EXOC4: variants seen among roughly 807,000 people sequenced by gnomAD.
EXOC4 encodes the protein exocyst complex component 4, also known as SEC8-like 1.
EXOC4 carries 71 observed loss-of-function variants against 107.2 expected under a neutral mutation model. The observed-to-expected ratio is 0.66, with a 90% confidence interval of 0.55 to 0.81. The LOEUF (loss-of-function observed/expected upper bound fraction) is 0.81. Among genes scored for constraint, EXOC4 ranks in the 30% least tolerant of loss-of-function variants. The pLI is 0.00. For missense variants in EXOC4, 1,108 were observed against 1,189.6 expected, an observed-to-expected ratio of 0.93 and a Z score of 1.01; for synonymous variants, 456 against 441.2, an observed-to-expected ratio of 1.03 and a Z score of -0.42.
intron 12 of EXOC4, among the ~76,000 whole-genome samples, chr7:133,904,725 C>T (rs557752869): frequency 1.4e-4 from 21 of 152,336 alleles, no homozygotes; most frequent in Admixed American, 1.4e-3. Context: ...AGAAAATCAT[C>T]TTTCTGGTTG....
At chr7:133,718,970 G>A (rs1020654940) in intron 10 of EXOC4, among the ~76,000 whole-genome samples, 5 of 152,112 alleles carry the variant, frequency 3.3e-5, no homozygotes, top group African/African-American at 1.2e-4. Flanking sequence ...GGAGCCATTC[G>A]TGATTTTCAC....
intron 9 of EXOC4, among the ~76,000 whole-genome samples, chr7:133,546,177 T>C (rs191562748): frequency 7.9e-5 from 12 of 152,330 alleles, no homozygotes; most frequent in Middle Eastern, 3.4e-3. Context: ...ATATCTATTT[T>C]ATTTTTTAAG....
the EXOC4 span, among the ~76,000 whole-genome samples, chr7:134,077,801 G>T: frequency 6.6e-6 from 1 of 152,236 alleles, no homozygotes; most frequent in African/African-American, 2.4e-5. Flanking sequence ...TCACTATGGT[G>T]CCCAGGCAGC....
At chr7:133,631,830 A>C (rs1802598552) in intron 10 of EXOC4, among the ~76,000 whole-genome samples, 1 of 152,116 alleles carries the variant, frequency 6.6e-6, no homozygotes. Context: ...ATTTCTACTT[A>C]GGTAATGTTG....
At chr7:133,329,466 G>T (rs919627744) in intron 5 of EXOC4, among the ~76,000 whole-genome samples, 1 of 152,078 alleles carries the variant, frequency 6.6e-6, no homozygotes, top group Non-Finnish European at 1.5e-5. Context: ...TTGTTCCCTT[G>T]CTGCTGAGGA....
intron 4 of EXOC4, among the ~76,000 whole-genome samples, chr7:133,306,942 A>G (rs918603778): frequency 6.6e-6 from 1 of 152,142 alleles, no homozygotes; most frequent in African/African-American, 2.4e-5. Flanking sequence ...AGATCTTAAG[A>G]TGGTAGAATA....
intron 6 of EXOC4, among the ~76,000 whole-genome samples, chr7:133,372,327 C>G (rs1379360391): frequency 6.6e-6 from 1 of 152,190 alleles, no homozygotes; most frequent in African/African-American, 2.4e-5. Context: ...AAAGGTAGAG[C>G]TGCAAGTTCC....
At chr7:134,004,773 C>A in intron 15 of EXOC4, 139 bp from the exon 16 acceptor site, 1 of 668,560 alleles carries the variant, frequency 1.5e-6, no homozygotes. Context: ...ATAGGGTACA[C>A]AGTAAGTGTT....
chr7:133,611,747 G>C (rs1802080501), intron 9 of EXOC4, among the ~76,000 whole-genome samples: 1 of 152,118 alleles, frequency 6.6e-6, no homozygotes, highest in Non-Finnish European at 1.5e-5. Flanking sequence ...AATGAAGCCT[G>C]AAAGGGGTTT....
At chr7:134,080,705 G>A in the EXOC4 span, among the ~76,000 whole-genome samples, 3 of 152,000 alleles carry the variant, frequency 2.0e-5, no homozygotes, top group Non-Finnish European at 4.4e-5. Context: ...TCTTTTGGGA[G>A]GCCGAGACAG....
chr7:133,324,794 A>G (rs189505637), intron 5 of EXOC4, among the ~76,000 whole-genome samples: 5 of 152,228 alleles, frequency 3.3e-5, no homozygotes, highest in East Asian at 3.9e-4. Flanking sequence ...TGATCTGTCT[A>G]ATGTTGACAG....
chr7:133,742,948 C>T lies in EXOC4; in HGVS notation c.1515-74377C>T, dbSNP rs545974674. Among the ~76,000 whole-genome samples the T allele has an allele frequency of 9.2e-5, 14 of 152,290 alleles. 1 individual carries two copies. The South Asian group carries it at 2.1e-3, about 23-fold the overall frequency. ...CTGCCCTCTGGTGGCAAAGGCACAA[C>T]AGACAGCAAAGACGTTTAACAAAGA... On this transcript the variant is annotated intron_variant, in intron 10 of 17. Transcript: ENST00000253861.
At chr7:133,792,599 C>T (rs888451922) in intron 10 of EXOC4, among the ~76,000 whole-genome samples, 4 of 147,348 alleles carry the variant, frequency 2.7e-5, no homozygotes, top group East Asian at 2.0e-4. Context: ...TTACATTGTC[C>T]GTAGAAGGTG....
intron 9 of EXOC4, among the ~76,000 whole-genome samples, chr7:133,584,574 G>GTTTTTTTTTTTTTTTTTT (rs67568218): frequency 1.2e-5 from 1 of 84,814 alleles, no homozygotes; most frequent in Non-Finnish European, 2.1e-5. Flanking sequence ...ACGTATTTCA[G>GTTTTTTTTTTTTTTTTTT]TTTTTTTTTT....
intron 10 of EXOC4, among the ~76,000 whole-genome samples, chr7:133,759,983 C>T (rs1372046964): frequency 6.6e-6 from 1 of 152,160 alleles, no homozygotes; most frequent in Non-Finnish European, 1.5e-5. Context: ...TCAGTTTTGA[C>T]TCTCCACGTC....
At chr7:133,391,482 T>C (rs1796851893) in intron 7 of EXOC4, among the ~76,000 whole-genome samples, 1 of 152,194 alleles carries the variant, frequency 6.6e-6, no homozygotes, top group South Asian at 2.1e-4. Flanking sequence ...TGGGATGCTG[T>C]CTTGAGTGTA....
intron 2 of EXOC4, among the ~76,000 whole-genome samples, chr7:133,283,357 G>A (rs577610848): frequency 2.0e-5 from 3 of 152,184 alleles, no homozygotes; most frequent in African/African-American, 2.4e-5. Flanking sequence ...TTACAGGTGT[G>A]AGCCACCATG....
At chr7:133,463,358 T>C (rs1421515625) in intron 7 of EXOC4, among the ~76,000 whole-genome samples, 6 of 152,094 alleles carry the variant, frequency 3.9e-5, no homozygotes, top group Non-Finnish European at 8.8e-5. Flanking sequence ...TCTGAGTTTG[T>C]TGGACCCATG....
chr7:133,924,320 C>T (rs116128816), intron 13 of EXOC4, among the ~76,000 whole-genome samples: 2,353 of 152,264 alleles, frequency 0.015, 60 homozygotes, highest in African/African-American at 0.053. Context: ...TCTTGTTCCT[C>T]AGCTTATTTT....
Sources: gnomAD v4.1 joint callset for allele counts (sites outside exome capture counted in the v4.1 genomes callset) on GRCh38, gnomAD v4.1.1 for gene constraint, MANE v1.5 for transcripts, NCBI Gene and HGNC (gene_info 2026-07-23, HGNC 2026-07-21) for gene names.